The following TACR1 variants were observed in gnomAD, a reference collection of about 807,000 sequenced individuals.
TACR1 encodes the protein substance-P receptor.
Under a neutral mutation model 35.8 loss-of-function variants are expected in TACR1, and 25 were observed. The observed-to-expected ratio is 0.70, with a 90% CI of 0.51 to 0.98. TACR1 has a LOEUF of 0.98. Among genes scored for constraint, TACR1 ranks in the 50% least tolerant of loss-of-function variants. The probability of loss-of-function intolerance (pLI) is 0.00; values close to 1 mark genes in which losing one functional copy is unlikely to be tolerated. For missense variants in TACR1, 478 were observed against 522.9 expected (o/e 0.91, Z 0.84); for synonymous variants, 195 against 206.7 (o/e 0.94, Z 0.48).
intron 2 of TACR1, among the ~76,000 whole-genome samples, chr2:75,064,284 T>A (rs1672726221): frequency 6.6e-6 from 1 of 152,126 alleles, no homozygotes; most frequent in Non-Finnish European, 1.5e-5. Context: ...GGCAAGTGGC[T>A]GATAGTCCTG....
At chr2:75,051,810 A>G (rs1384284125) in intron 3 of TACR1, among the ~76,000 whole-genome samples, 1 of 152,220 alleles carries the variant, frequency 6.6e-6, no homozygotes, top group African/African-American at 2.4e-5. Context: ...ACATTTGGGG[A>G]CTACTGTGTT....
chr2:75,160,829 A>C (rs1404834641), intron 1 of TACR1, among the ~76,000 whole-genome samples: 3 of 116,962 alleles, frequency 2.6e-5, no homozygotes, highest in African/African-American at 8.7e-5. Context: ...ACTAAGCAAA[A>C]TCAATATACG....
At chr2:75,061,607 C>G (rs533789548) in intron 2 of TACR1, among the ~76,000 whole-genome samples, 2 of 152,254 alleles carry the variant, frequency 1.3e-5, no homozygotes, top group South Asian at 4.2e-4. Context: ...AGAGACAGGC[C>G]AGGACCAAGC....
At chr2:75,161,250 T>C (rs1408878611) in intron 1 of TACR1, among the ~76,000 whole-genome samples, 1 of 152,120 alleles carries the variant, frequency 6.6e-6, no homozygotes, top group Non-Finnish European at 1.5e-5. Flanking sequence ...CTAAAAGAAT[T>C]ATGGCAAATC....
intron 2 of TACR1, among the ~76,000 whole-genome samples, chr2:75,096,306 C>G (rs1397867321): frequency 1.3e-5 from 2 of 152,196 alleles, no homozygotes; most frequent in African/African-American, 4.8e-5. Flanking sequence ...CCTCTGCTCT[C>G]CCTAAACATC....
intron 2 of TACR1, among the ~76,000 whole-genome samples, chr2:75,068,538 C>A (rs1031807786): frequency 3.3e-5 from 5 of 152,210 alleles, no homozygotes; most frequent in African/African-American, 4.8e-5. Flanking sequence ...ATAACTACCA[C>A]TACTACCACC....
intron 3 of TACR1, 80 bp from the exon 4 acceptor site, chr2:75,051,527 C>T (rs1428421158): frequency 1.9e-6 from 3 of 1,576,930 alleles, no homozygotes; most frequent in East Asian, 4.6e-5. Flanking sequence ...CCCACGCCCT[C>T]ACTGTGCACA....
chr2:75,087,158 A>G (rs1055461227), intron 2 of TACR1, among the ~76,000 whole-genome samples: 1 of 152,246 alleles, frequency 6.6e-6, no homozygotes, highest in African/African-American at 2.4e-5. Flanking sequence ...TGATACTACT[A>G]TGGATATATA....
Position 75,120,358 on chromosome 2 carries a change from T to G in TACR1, c.584+216A>C, listed in dbSNP as rs190223821. On this transcript the variant is annotated intron_variant, in intron 2 of 4. Coordinates refer to ENST00000305249, the MANE Select transcript of TACR1 (RefSeq NM_001058.4). ...GGATCTAGATCTTACACTTCAAAAA[T>G]TATCTTTCAATGCTCAGAATAGTAT... is the stretch of plus-strand genomic sequence containing the variant. Among the ~76,000 whole-genome samples, 438 of 152,150 alleles carry G rather than the reference T, an allele frequency of 2.9e-3. 2 individuals are homozygous for G. The highest frequency in any genetic ancestry group is 5.3e-3 in the Non-Finnish European group (362 of 68,008).
intron 2 of TACR1, among the ~76,000 whole-genome samples, chr2:75,094,857 A>AT (rs1414426554): frequency 0.037 from 3,345 of 90,970 alleles, 56 homozygotes; most frequent in South Asian, 0.059. Flanking sequence ...ATATATATAT[A>AT]TATTTTTTTT....
chr2:75,151,785 A>G (rs1674677652), intron 1 of TACR1, among the ~76,000 whole-genome samples: 1 of 152,154 alleles, frequency 6.6e-6, no homozygotes, highest in African/African-American at 2.4e-5. Flanking sequence ...AAAAGGCTGT[A>G]GACACTCAAC....
rs1297301217 is a variant in TACR1 at position 75,199,021 on chromosome 2, C to T, written c.-87G>A. 2.7e-6 allele frequency: 4 copies of T among 1,502,140 alleles called. No homozygotes were observed. Among genetic ancestry groups the T allele is most frequent in the Non-Finnish European group, 3.6e-6 (4 of 1,118,232 alleles). The allele number at this position is 1,502,140 out of a possible 1,614,324, so 93.1% of individuals were successfully genotyped here. A position where few individuals can be genotyped will look rare whatever the true frequency, so the allele number is the denominator to read the frequency against. On this transcript the variant is annotated 5_prime_UTR_variant, in exon 1 of 5. Coordinates refer to ENST00000305249, the MANE Select transcript of TACR1 (RefSeq NM_001058.4). ...GTGGCTGGCGCCTGGGGCTCAGGGT[C>T]CTTCTAAAGCCAGACAGGAGGGTGG...
At chr2:75,132,585 A>C (rs141498723) in intron 1 of TACR1, among the ~76,000 whole-genome samples, 103 of 152,296 alleles carry the variant, frequency 6.8e-4, no homozygotes, top group African/African-American at 2.4e-3. Flanking sequence ...TAATAGCTTA[A>C]GTCTCTGGGT....
At chr2:75,160,024 C>T (rs1043396677) in intron 1 of TACR1, among the ~76,000 whole-genome samples, 3 of 152,148 alleles carry the variant, frequency 2.0e-5, no homozygotes, top group Non-Finnish European at 4.4e-5. Flanking sequence ...ATTCACACTA[C>T]ATACAAGACT....
At position 75,051,274 on chromosome 2, in the gene TACR1, G is replaced by A. The variant is rs199785455; in HGVS notation, c.909C>T (p.Ile303=). ...ACCTGTCATTGAGGCAGCAGTAGAT[G>A]ATGGGGTTGTACATGGTGGAGCTCA... The part of the protein sequence containing the change: ...LAMSSTMYNP[I]IYCCLNDRFR... Residue 303 remains isoleucine (I), a synonymous_variant, in exon 4 of 5, where the codon ATC becomes ATT. Coordinates refer to ENST00000305249, the MANE Select transcript of TACR1 (RefSeq NM_001058.4). 14 of 1,614,220 alleles carry A rather than the reference G, an allele frequency of 8.7e-6. No homozygotes were observed. The highest frequency in any genetic ancestry group is 1.2e-5 in the Non-Finnish European group (14 of 1,180,038).
chr2:75,075,871 C>G (rs1451143755), intron 2 of TACR1, among the ~76,000 whole-genome samples: 1 of 152,212 alleles, frequency 6.6e-6, no homozygotes, highest in African/African-American at 2.4e-5. Flanking sequence ...AATATATAAT[C>G]TTAATGTCCA....
chr2:75,111,838 TA>T (rs1232133175), intron 2 of TACR1, among the ~76,000 whole-genome samples: 2 of 151,898 alleles, frequency 1.3e-5, no homozygotes, highest in Non-Finnish European at 2.9e-5. Context: ...CATAAAGTGG[TA>T]GGGGTAGAAA....
intron 2 of TACR1, among the ~76,000 whole-genome samples, chr2:75,095,327 G>A (rs1673401103): frequency 1.3e-5 from 2 of 152,096 alleles, no homozygotes; most frequent in African/African-American, 4.8e-5. Flanking sequence ...ATTTTGGTCA[G>A]CCTTCAGGTA....
At chr2:75,150,177 A>T (rs1674639688) in intron 1 of TACR1, among the ~76,000 whole-genome samples, 1 of 152,230 alleles carries the variant, frequency 6.6e-6, no homozygotes, top group Non-Finnish European at 1.5e-5. Flanking sequence ...AACACCAGAC[A>T]CTTTGCCAGG....
Sources: gnomAD v4.1 joint callset for allele counts (sites outside exome capture counted in the v4.1 genomes callset) on GRCh38, gnomAD v4.1.1 for gene constraint, MANE v1.5 for transcripts, NCBI Gene and HGNC (gene_info 2026-07-23, HGNC 2026-07-21) for gene names.